KCNIP4: variants seen among roughly 807,000 people sequenced by gnomAD.
The protein encoded by KCNIP4 is potassium voltage-gated channel interacting protein 4.
In KCNIP4, 12 loss-of-function variants were observed where a neutral mutation model predicts 34.0. The observed-to-expected ratio is 0.35, with a 90% confidence interval of 0.23 to 0.57. The LOEUF (loss-of-function observed/expected upper bound fraction) is 0.57. KCNIP4 is among the 20% of genes least tolerant of loss of function. The pLI is 0.83. For missense variants in KCNIP4, 238 were observed against 311.7 expected, an observed-to-expected ratio of 0.76 and a Z score of 1.78; for synonymous variants, 124 against 102.2, an observed-to-expected ratio of 1.21 and a Z score of -1.29.
chr4:20,748,882 A>ATGTGTGTG (rs139805656), intron 5 of KCNIP4, among the ~76,000 whole-genome samples: 1 of 144,434 alleles, frequency 6.9e-6, no homozygotes, highest in Non-Finnish European at 1.5e-5. Flanking sequence ...GTGTGTGTGT[A>ATGTGTGTG]TGTGTGTGTG....
chr4:21,444,619 C>T (rs376536325), intron 1 of KCNIP4, among the ~76,000 whole-genome samples: 10 of 152,244 alleles, frequency 6.6e-5, no homozygotes, highest in African/African-American at 9.6e-5. Flanking sequence ...ATTGATGGGA[C>T]GTATCTCAAA....
At chr4:20,778,233 G>T (rs2149388094) in intron 3 of KCNIP4, among the ~76,000 whole-genome samples, 1 of 152,230 alleles carries the variant, frequency 6.6e-6, no homozygotes, top group East Asian at 1.9e-4. Flanking sequence ...AATTCTTTGT[G>T]CCAGTTTATT....
intron 1 of KCNIP4, among the ~76,000 whole-genome samples, chr4:21,733,021 T>C (rs1393281631): frequency 6.6e-6 from 1 of 152,162 alleles, no homozygotes; most frequent in Admixed American, 6.6e-5. Flanking sequence ...TAATAGAAAA[T>C]AGAAAACTTT....
intron 1 of KCNIP4, among the ~76,000 whole-genome samples, chr4:21,380,657 A>G (rs1022041020): frequency 6.6e-6 from 1 of 152,128 alleles, no homozygotes; most frequent in Non-Finnish European, 1.5e-5. Flanking sequence ...GTGGCCATGA[A>G]TGAAGAAAAT....
At chr4:20,938,423 A>G (rs1320835162) in intron 1 of KCNIP4, among the ~76,000 whole-genome samples, 1 of 152,134 alleles carries the variant, frequency 6.6e-6, no homozygotes, top group East Asian at 1.9e-4. Context: ...CCACTGATCC[A>G]TTTTACCAGT....
At chr4:21,446,917 G>T (rs1427869658) in intron 1 of KCNIP4, among the ~76,000 whole-genome samples, 1 of 151,508 alleles carries the variant, frequency 6.6e-6, no homozygotes, top group African/African-American at 2.4e-5. Context: ...CAGAATTTCT[G>T]CAATCACTTT....
intron 1 of KCNIP4, among the ~76,000 whole-genome samples, chr4:21,788,426 C>G (rs73105906): frequency 0.11 from 17,316 of 152,190 alleles, 2,948 homozygotes; most frequent in African/African-American, 0.37. Flanking sequence ...ATTACTTTAA[C>G]TTCTATGCTA....
At chr4:21,831,129 T>C (rs1451150925) in intron 1 of KCNIP4, among the ~76,000 whole-genome samples, 1 of 152,006 alleles carries the variant, frequency 6.6e-6, no homozygotes, top group African/African-American at 2.4e-5. Flanking sequence ...AAACACAACA[T>C]ACAAAAACTT....
rs138210029 is a variant in KCNIP4, at chr4:21,429,074, T to C, written c.61+519497A>G. On this transcript the variant is annotated intron_variant, in intron 1 of 8. Transcript: ENST00000382152. ...CAAATATGTAATGACATATATCCAC[T>C]ATTATAGTATCATACAAAATAGGTT... Among the ~76,000 whole-genome samples the C allele has an allele frequency of 3.5e-3, 538 of 152,344 alleles. 3 individuals carry two copies. Among genetic ancestry groups the C allele is most frequent in the African/African-American group, 0.012 (507 of 41,576 alleles).
intron 1 of KCNIP4, among the ~76,000 whole-genome samples, chr4:21,699,737 G>A (rs1053808519): frequency 1.3e-5 from 2 of 152,120 alleles, no homozygotes; most frequent in Non-Finnish European, 2.9e-5. Flanking sequence ...GATAAAGTCC[G>A]GGGCTACAGT....
intron 1 of KCNIP4, among the ~76,000 whole-genome samples, chr4:21,375,644 G>A (rs1169775457): frequency 6.6e-6 from 1 of 150,950 alleles, no homozygotes; most frequent in Non-Finnish European, 1.5e-5. Flanking sequence ...TCTGCTCACT[G>A]CAAGCTCCGC....
At chr4:21,293,402 C>T (rs1763655965) in intron 1 of KCNIP4, among the ~76,000 whole-genome samples, 3 of 152,016 alleles carry the variant, frequency 2.0e-5, no homozygotes, top group Admixed American at 2.0e-4. Context: ...TCAATCAGCC[C>T]CTGAGACCTT....
intron 3 of KCNIP4, among the ~76,000 whole-genome samples, chr4:20,840,382 A>G (rs1441674276): frequency 1.3e-5 from 2 of 152,172 alleles, no homozygotes; most frequent in Non-Finnish European, 2.9e-5. Flanking sequence ...TAACATATCT[A>G]TCTTCCATGT....
At chr4:21,537,155 G>A (rs1157951443) in intron 1 of KCNIP4, among the ~76,000 whole-genome samples, 1 of 152,156 alleles carries the variant, frequency 6.6e-6, no homozygotes, top group Admixed American at 6.5e-5. Flanking sequence ...CACATTGGGG[G>A]CTGAATAAGC....
chr4:21,254,935 C>A (rs932484766), intron 1 of KCNIP4, among the ~76,000 whole-genome samples: 1 of 152,186 alleles, frequency 6.6e-6, no homozygotes, highest in Non-Finnish European at 1.5e-5. Flanking sequence ...ACCAGATAAT[C>A]ACTGCCACCC....
At chr4:21,682,808 G>A (rs1750475972) in intron 1 of KCNIP4, among the ~76,000 whole-genome samples, 1 of 152,138 alleles carries the variant, frequency 6.6e-6, no homozygotes, top group Non-Finnish European at 1.5e-5. Context: ...GTAGCAGTCA[G>A]AACACACACA....
intron 1 of KCNIP4, among the ~76,000 whole-genome samples, chr4:20,936,424 T>TTC (rs397700112): frequency 6.6e-6 from 1 of 151,754 alleles, no homozygotes; most frequent in African/African-American, 2.4e-5. Flanking sequence ...GTTTTTTTTT[T>TTC]CTAAAATAAG....
intron 1 of KCNIP4, among the ~76,000 whole-genome samples, chr4:21,603,350 T>C (rs1743366462): frequency 1.3e-5 from 2 of 151,634 alleles, no homozygotes; most frequent in African/African-American, 4.8e-5. Flanking sequence ...TGCAAGATTG[T>C]GTGGGAAAGA....
intron 1 of KCNIP4, among the ~76,000 whole-genome samples, chr4:21,025,888 T>C (rs1259214886): frequency 6.6e-6 from 1 of 152,132 alleles, no homozygotes; most frequent in Non-Finnish European, 1.5e-5. Context: ...TTTAATGATT[T>C]AATAACTATT....
Sources: allele counts gnomAD v4.1 joint callset (sites outside exome capture counted in the v4.1 genomes callset), GRCh38; gene constraint gnomAD v4.1.1; transcripts MANE v1.5; gene names NCBI Gene and HGNC (gene_info 2026-07-23, HGNC 2026-07-21).